Variants in PLEKHA7 observed in about 807,000 individuals in gnomAD.
PLEKHA7 encodes pleckstrin homology domain containing A7.
In PLEKHA7, 104 loss-of-function variants were observed where a neutral mutation model predicts 170.0. The observed-to-expected ratio is 0.61, with a 90% CI of 0.52 to 0.72. The LOEUF (loss-of-function observed/expected upper bound fraction) is 0.72. Ranked by LOEUF, PLEKHA7 falls within the 30% of genes least tolerant of loss-of-function variation. The pLI is 0.00. For missense variants in PLEKHA7, 1,615 were observed against 1,671.7 expected (o/e 0.97, Z 0.59); for synonymous variants, 648 against 660.8 (o/e 0.98, Z 0.30).
At chr11:16,860,761 C>G (rs1332340207) in intron 4 of PLEKHA7, among the ~76,000 whole-genome samples, 1 of 152,122 alleles carries the variant, frequency 6.6e-6, no homozygotes, top group Non-Finnish European at 1.5e-5. Flanking sequence ...CTCTTTTCAG[C>G]CCTAAGACCA....
chr11:16,816,079 G>A, intron 12 of PLEKHA7, 99 bp downstream of exon 12: 1 of 981,118 alleles, frequency 1.0e-6, no homozygotes, highest in Non-Finnish European at 1.6e-6. Context: ...CTAATATGGG[G>A]GTTAATAGCT....
At chr11:16,849,945 G>C (rs1852784744) in intron 8 of PLEKHA7, among the ~76,000 whole-genome samples, 1 of 152,130 alleles carries the variant, frequency 6.6e-6, no homozygotes, top group African/African-American at 2.4e-5. Context: ...GCTCAGTTCT[G>C]TGCCTCCTTA....
At chr11:16,947,362 G>C (rs1391647009) in intron 3 of PLEKHA7, among the ~76,000 whole-genome samples, 1 of 151,966 alleles carries the variant, frequency 6.6e-6, no homozygotes, top group African/African-American at 2.4e-5. Flanking sequence ...AGGGCAAGGC[G>C]GGCAGATCAC....
chr11:16,871,302 G>A, intron 3 of PLEKHA7, 120 bp from the exon 4 acceptor site: 1 of 725,340 alleles, frequency 1.4e-6, no homozygotes, highest in Non-Finnish European at 2.4e-6. Context: ...GGGGAGAAAT[G>A]TGGGCCTTTC....
chr11:16,823,178 AT>A (rs917340907), intron 10 of PLEKHA7, among the ~76,000 whole-genome samples: 1 of 151,918 alleles, frequency 6.6e-6, no homozygotes, highest in Non-Finnish European at 1.5e-5. Flanking sequence ...AAACAAAAAA[AT>A]TTTTTTGGTA....
intron 9 of PLEKHA7, among the ~76,000 whole-genome samples, chr11:16,838,780 G>T (rs556987434): frequency 2.9e-5 from 4 of 138,986 alleles, no homozygotes; most frequent in Admixed American, 2.5e-4. Flanking sequence ...TCTGCCTCCC[G>T]GGTTCACGCC....
At chr11:16,953,075 T>G (rs1246589944) in intron 3 of PLEKHA7, among the ~76,000 whole-genome samples, 1 of 151,970 alleles carries the variant, frequency 6.6e-6, no homozygotes, top group Non-Finnish European at 1.5e-5. Context: ...CACAGGGAGG[T>G]CAAAGAAAAG....
intron 8 of PLEKHA7, among the ~76,000 whole-genome samples, chr11:16,845,772 G>A (rs372335239): frequency 2.6e-5 from 4 of 152,288 alleles, no homozygotes; most frequent in South Asian, 4.1e-4. Context: ...AACAGGTGAG[G>A]GGGGGATGGG....
intron 3 of PLEKHA7, among the ~76,000 whole-genome samples, chr11:16,953,697 AC>A (rs1393429726): frequency 6.6e-6 from 1 of 152,216 alleles, no homozygotes; most frequent in Non-Finnish European, 1.5e-5. Flanking sequence ...ATTTAAGGGC[AC>A]CACTTTCACT....
chr11:16,926,839 G>C (rs1859585046), intron 3 of PLEKHA7, among the ~76,000 whole-genome samples: 1 of 152,222 alleles, frequency 6.6e-6, no homozygotes, highest in Non-Finnish European at 1.5e-5. Flanking sequence ...TCTGTCCAAA[G>C]AGGCCCTTAT....
At chr11:16,957,689 A>ATATTTTT (rs1420004461) in intron 3 of PLEKHA7, among the ~76,000 whole-genome samples, 7 of 118,218 alleles carry the variant, frequency 5.9e-5, no homozygotes, top group Non-Finnish European at 1.1e-4. Flanking sequence ...TACCTCAATA[A>ATATTTTT]TTTTTTTCTT....
intron 3 of PLEKHA7, among the ~76,000 whole-genome samples, chr11:16,971,040 G>A (rs969544008): frequency 4.6e-5 from 7 of 152,152 alleles, no homozygotes; most frequent in African/African-American, 7.2e-5. Context: ...CAGGTCTCCC[G>A]GACTTTTCTG....
At chr11:16,973,506 T>C (rs1055846411) in intron 3 of PLEKHA7, among the ~76,000 whole-genome samples, 1 of 152,322 alleles carries the variant, frequency 6.6e-6, no homozygotes. Flanking sequence ...TTAAAAGCCA[T>C]GCACTGTGCT....
At position 16,882,311 on chromosome 11, in the gene PLEKHA7, C is replaced by G. The variant is rs113678082; in HGVS notation, c.222-11129G>C. ...TACCTGTAGTGAATGTTCCATAAATCTTTAAATGTGGAGATGATTTACTGT... is the reference window on the plus strand; with the variant it reads ...TACCTGTAGTGAATGTTCCATAAATGTTTAAATGTGGAGATGATTTACTGT... On this transcript the variant is annotated intron_variant, in intron 3 of 26. Transcript: ENST00000531066. Among the ~76,000 whole-genome samples, 281 of 152,302 alleles carry G rather than the reference C, an allele frequency of 1.8e-3. 3 individuals carry two copies. Among genetic ancestry groups the G allele is most frequent in the African/African-American group, 6.4e-3 (266 of 41,562 alleles).
intron 3 of PLEKHA7, among the ~76,000 whole-genome samples, chr11:16,981,556 T>G (rs1330923056): frequency 1.3e-5 from 2 of 152,128 alleles, no homozygotes; most frequent in Non-Finnish European, 2.9e-5. Context: ...TCTCTCACTA[T>G]TTCCAGTCAG....
intron 8 of PLEKHA7, among the ~76,000 whole-genome samples, chr11:16,845,167 C>T (rs1444791263): frequency 1.3e-5 from 2 of 152,148 alleles, no homozygotes; most frequent in Admixed American, 6.5e-5. Flanking sequence ...ATGAAGGACA[C>T]GTGCCCACAG....
chr11:16,798,071 C>T (rs185527791), intron 17 of PLEKHA7, among the ~76,000 whole-genome samples: 1 of 152,348 alleles, frequency 6.6e-6, no homozygotes, highest in East Asian at 1.9e-4. Context: ...TCAGCAAAGC[C>T]TTGAACTCAC....
chr11:16,869,683 T>A (rs1854673973), intron 4 of PLEKHA7, among the ~76,000 whole-genome samples: 1 of 152,034 alleles, frequency 6.6e-6, no homozygotes, highest in Non-Finnish European at 1.5e-5. Flanking sequence ...AAGGGATAGA[T>A]AAAATAAAAT....
chr11:16,886,372 TA>T (rs1464624671), intron 3 of PLEKHA7, among the ~76,000 whole-genome samples: 1 of 151,922 alleles, frequency 6.6e-6, no homozygotes, highest in Non-Finnish European at 1.5e-5. Context: ...TGCCACCATT[TA>T]AAAAAAATAA....
Sources: allele counts gnomAD v4.1 joint callset (sites outside exome capture counted in the v4.1 genomes callset), GRCh38; gene constraint gnomAD v4.1.1; transcripts MANE v1.5; gene names NCBI Gene and HGNC (gene_info 2026-07-23, HGNC 2026-07-21).